The following RBFOX1 variants were observed in gnomAD, a reference collection of about 807,000 sequenced individuals.
RBFOX1 encodes the protein RNA binding protein fox-1 homolog 1.
Under a neutral mutation model 57.7 loss-of-function variants are expected in RBFOX1, and 8 were observed. The observed-to-expected ratio is 0.14, with a 90% confidence interval of 0.08 to 0.25. RBFOX1 has a LOEUF of 0.25. Among genes scored for constraint, RBFOX1 ranks in the 10% least tolerant of loss-of-function variants. The pLI, the probability that RBFOX1 is intolerant of heterozygous loss-of-function variation, is 1.00. For synonymous variants in RBFOX1, 326 were observed against 222.4 expected (o/e 1.47, Z -4.15); for missense variants, 611 against 548.5 (o/e 1.11, Z -1.14).
chr16:7,201,194 C>G (rs1602844302), intron 4 of RBFOX1, among the ~76,000 whole-genome samples: 1 of 152,160 alleles, frequency 6.6e-6, no homozygotes, highest in Non-Finnish European at 1.5e-5. Flanking sequence ...AAAACAAAGT[C>G]TGGTATATGC....
intron 5 of RBFOX1, among the ~76,000 whole-genome samples, chr16:7,573,053 A>G (rs967539022): frequency 6.6e-6 from 1 of 152,174 alleles, no homozygotes; most frequent in African/African-American, 2.4e-5. Context: ...TGCTGTGAAG[A>G]AATCAGTGGT....
At chr16:5,675,874 GATGTGGTTTGGGGTAATGAGCTCTC>G (rs1292876561) in intron 3 of RBFOX1, among the ~76,000 whole-genome samples, 1 of 152,166 alleles carries the variant, frequency 6.6e-6, no homozygotes, top group Non-Finnish European at 1.5e-5. Context: ...CCTCCTGCTG[GATGTGGTTTGGGGTAATGAGCTCTC>G]ATTTGGGGGA....
intron 3 of RBFOX1, among the ~76,000 whole-genome samples, chr16:5,774,237 C>T (rs186771403): frequency 1.3e-5 from 2 of 152,200 alleles, no homozygotes; most frequent in East Asian, 3.9e-4. Flanking sequence ...GGGCCCATTA[C>T]CTTACTGACA....
chr16:5,712,975 C>T (rs1290196255), intron 3 of RBFOX1, among the ~76,000 whole-genome samples: 2 of 71,178 alleles, frequency 2.8e-5, no homozygotes, highest in East Asian at 5.4e-4. Flanking sequence ...TGAGGACATC[C>T]TTGTAGTAGT....
At chr16:7,053,755 T>C (rs1397634751) in intron 4 of RBFOX1, among the ~76,000 whole-genome samples, 1 of 152,186 alleles carries the variant, frequency 6.6e-6, no homozygotes, top group Non-Finnish European at 1.5e-5. Flanking sequence ...GGCTTGATAT[T>C]AACATAATGG....
chr16:6,905,323 G>A (rs1404675008), intron 3 of RBFOX1, among the ~76,000 whole-genome samples: 3 of 151,986 alleles, frequency 2.0e-5, no homozygotes, highest in Non-Finnish European at 4.4e-5. Flanking sequence ...GGAGGCAGAG[G>A]CAGGTGGATC....
At chr16:6,533,138 C>G (rs951633941) in intron 2 of RBFOX1, among the ~76,000 whole-genome samples, 1 of 152,164 alleles carries the variant, frequency 6.6e-6, no homozygotes, top group African/African-American at 2.4e-5. Context: ...ACTGTCAACA[C>G]CAGTACAGGA....
intron 4 of RBFOX1, among the ~76,000 whole-genome samples, chr16:7,143,994 C>G (rs1736997854): frequency 6.6e-6 from 1 of 152,042 alleles, no homozygotes; most frequent in African/African-American, 2.4e-5. Flanking sequence ...ATGGTGTTGT[C>G]TTTGGAACAT....
At chr16:7,481,602 A>G (rs1466041507) in intron 4 of RBFOX1, among the ~76,000 whole-genome samples, 1 of 152,236 alleles carries the variant, frequency 6.6e-6, no homozygotes, top group Non-Finnish European at 1.5e-5. Flanking sequence ...AATCTTGCAG[A>G]TAACTACAGC....
At chr16:7,187,485 C>T (rs567180416) in intron 4 of RBFOX1, among the ~76,000 whole-genome samples, 14 of 151,326 alleles carry the variant, frequency 9.3e-5, no homozygotes, top group East Asian at 3.9e-4. Context: ...ATCAGGAGAT[C>T]GAGACCATCC....
intron 3 of RBFOX1, among the ~76,000 whole-genome samples, chr16:6,918,927 C>T (rs938120851): frequency 1.2e-4 from 19 of 152,114 alleles, no homozygotes; most frequent in African/African-American, 3.9e-4. Context: ...GATCTAGTTA[C>T]GCAGGGTCCT....
At chr16:5,521,821 G>A (rs184620990) in intron 2 of RBFOX1, among the ~76,000 whole-genome samples, 5 of 152,248 alleles carry the variant, frequency 3.3e-5, no homozygotes, top group African/African-American at 1.2e-4. Flanking sequence ...CTCTCACCCC[G>A]GAAGTTCACA....
chr16:7,464,985 C>G (rs1353761456), intron 4 of RBFOX1, among the ~76,000 whole-genome samples: 4 of 151,940 alleles, frequency 2.6e-5, no homozygotes, highest in Non-Finnish European at 4.4e-5. Flanking sequence ...GGATGAGCCA[C>G]CGAGCCCAGC....
chr16:6,576,548 C>T (rs1275464238), intron 2 of RBFOX1, among the ~76,000 whole-genome samples: 1 of 152,152 alleles, frequency 6.6e-6, no homozygotes, highest in Non-Finnish European at 1.5e-5. Flanking sequence ...GGCTCACCCT[C>T]CTATTTTCTT....
intron 9 of RBFOX1, among the ~76,000 whole-genome samples, chr16:7,605,526 C>G (rs1041072259): frequency 6.6e-6 from 1 of 152,168 alleles, no homozygotes; most frequent in Non-Finnish European, 1.5e-5. Context: ...TCTTAGAAAA[C>G]ATTCTTATCA....
chr16:6,852,074 T>A (rs1264393755), intron 3 of RBFOX1, among the ~76,000 whole-genome samples: 2 of 151,994 alleles, frequency 1.3e-5, no homozygotes, highest in Non-Finnish European at 2.9e-5. Context: ...TACAGGCACC[T>A]GCCACCACGT....
chr16:5,439,468 A>G (rs750959524), intron 1 of RBFOX1, among the ~76,000 whole-genome samples: 5 of 152,112 alleles, frequency 3.3e-5, no homozygotes, highest in African/African-American at 4.8e-5. Flanking sequence ...CCAATGGGAA[A>G]TGAGAGAGGT....
At chr16:6,559,764 C>G (rs550233470) in intron 2 of RBFOX1, among the ~76,000 whole-genome samples, 1 of 152,010 alleles carries the variant, frequency 6.6e-6, no homozygotes, top group East Asian at 1.9e-4. Context: ...TATTGAACAC[C>G]TACTATGTGC....
At chr16:7,363,445 C>T (rs142538862) in intron 4 of RBFOX1, among the ~76,000 whole-genome samples, 4 of 152,022 alleles carry the variant, frequency 2.6e-5, no homozygotes, top group Non-Finnish European at 4.4e-5. Flanking sequence ...AGAACAGTGT[C>T]TGAGCCAGAT....
Sources: gnomAD v4.1 joint callset for allele counts (sites outside exome capture counted in the v4.1 genomes callset) on GRCh38, gnomAD v4.1.1 for gene constraint, MANE v1.5 for transcripts, NCBI Gene and HGNC (gene_info 2026-07-23, HGNC 2026-07-21) for gene names.